RDH10: variants seen among roughly 807,000 people sequenced by gnomAD.
The protein encoded by RDH10 is retinol dehydrogenase 10, also known as retinol dehydrogenase 10 (all-trans).
In RDH10, 12 loss-of-function variants were observed where a neutral mutation model predicts 30.2. The observed-to-expected ratio is 0.40, with a 90% CI of 0.25 to 0.64. The LOEUF (loss-of-function observed/expected upper bound fraction) is 0.64. Among genes scored for constraint, RDH10 ranks in the 30% least tolerant of loss-of-function variants. The pLI is 0.43. For synonymous variants in RDH10, 189 were observed against 172.2 expected (o/e 1.10, Z -0.76); for missense variants, 268 against 445.2 (o/e 0.60, Z 3.58).
intron 3 of RDH10, among the ~76,000 whole-genome samples, chr8:73,320,638 A>C (rs1316761742): frequency 6.6e-6 from 1 of 151,654 alleles, no homozygotes; most frequent in Non-Finnish European, 1.5e-5. Context: ...TGCCCAGCTA[A>C]TTTTTGTATT....
chr8:73,309,486 T>G (rs1041003968), intron 2 of RDH10, among the ~76,000 whole-genome samples: 2 of 152,230 alleles, frequency 1.3e-5, no homozygotes, highest in African/African-American at 4.8e-5. Context: ...AGCTAGAATA[T>G]ATCAGACTTG....
chr8:73,295,189 C>G lies in RDH10; in HGVS notation c.-101C>G, dbSNP rs1814237423. ...GGCGCGGGGCGCAGCCTTCTCGTCC[C>G]GGCCTCTGTGACAAGCGCCCCGGAG... On this transcript the variant is annotated 5_prime_UTR_variant, in exon 1 of 6. Coordinates refer to ENST00000240285, the MANE Select transcript of RDH10 (RefSeq NM_172037.5). 1 of 1,195,258 alleles carries G rather than the reference C, an allele frequency of 8.4e-7. No homozygotes were observed. The highest frequency in any genetic ancestry group is 1.1e-6 in the Non-Finnish European group (1 of 897,078). The allele number at this position is 1,195,258 out of a possible 1,614,324, so 74.0% of individuals were successfully genotyped here. A position where few individuals can be genotyped will look rare whatever the true frequency, so the allele number is the denominator to read the frequency against.
chr8:73,314,908 A>G (rs543384649), intron 2 of RDH10, among the ~76,000 whole-genome samples: 1 of 152,328 alleles, frequency 6.6e-6, no homozygotes, highest in Non-Finnish European at 1.5e-5. Context: ...CAAAGAAATC[A>G]CATGTTTTAA....
At chr8:73,316,213 T>C (rs1814661018) in intron 2 of RDH10, among the ~76,000 whole-genome samples, 1 of 152,084 alleles carries the variant, frequency 6.6e-6, no homozygotes, top group African/African-American at 2.4e-5. Flanking sequence ...AGGCAGCGTT[T>C]CACAGTGTTT....
chr8:73,298,788 A>G (rs901641242), intron 2 of RDH10, among the ~76,000 whole-genome samples: 1 of 152,024 alleles, frequency 6.6e-6, no homozygotes, highest in African/African-American at 2.4e-5. Flanking sequence ...TCAGCCCCCA[A>G]AGTGCTGGCG....
chr8:73,320,807 G>A, intron 3 of RDH10, 125 bp from the exon 4 acceptor site: 1 of 873,908 alleles, frequency 1.1e-6, no homozygotes, highest in Non-Finnish European at 1.8e-6. Flanking sequence ...CCTTTTCTTT[G>A]TGTAGTCACC....
rs1814234406 is a variant in RDH10 at position 73,295,115 on chromosome 8, G to A, written c.-175G>A. Reference sequence around the variant, plus strand: ...GCCCGGGCGGGAGTGGCCCCGCGCAGGCAGGGAGCGGCGCCGCGCACTCCA... The same window carrying A: ...GCCCGGGCGGGAGTGGCCCCGCGCAAGCAGGGAGCGGCGCCGCGCACTCCA... On this transcript the variant is annotated 5_prime_UTR_variant, in exon 1 of 6. Transcript: ENST00000240285. The A allele has an allele frequency of 2.2e-6, 1 of 460,530 alleles. No individual in the cohort carries two copies. Among genetic ancestry groups the A allele is most frequent in the Non-Finnish European group, 3.5e-6 (1 of 281,928 alleles). The allele number at this position is 460,530 out of a possible 1,614,324, so 28.5% of individuals were successfully genotyped here. A position where few individuals can be genotyped will look rare whatever the true frequency, so the allele number is the denominator to read the frequency against.
chr8:73,295,397 C>T lies in RDH10; in HGVS notation c.108C>T (p.Gly36=). 1.9e-6 allele frequency: 3 copies of T among 1,551,256 alleles called. No individual in the cohort carries two copies. Among genetic ancestry groups the T allele is most frequent in the Non-Finnish European group, 2.6e-6 (3 of 1,149,562 alleles). The change falls in exon 1 of 6, where the codon GGC becomes GGT. Residue 36 remains glycine, a synonymous_variant. Coordinates refer to ENST00000240285, the MANE Select transcript of RDH10 (RefSeq NM_172037.5). The stretch of plus-strand genomic sequence containing the variant: ...GGCCCAAGGAGAAGAGCGTGGCGGG[C>T]CAGGTGTGCCTCATCACCGGCGCCG... ...LVRPKEKSVA[G]QVCLITGAGS...
At chr8:73,310,144 T>G (rs1451991761) in intron 2 of RDH10, among the ~76,000 whole-genome samples, 1 of 152,210 alleles carries the variant, frequency 6.6e-6, no homozygotes, top group East Asian at 1.9e-4. Flanking sequence ...ATAGGAAAGT[T>G]GCCATCTGCA....
intron 2 of RDH10, chr8:73,315,372 T>G: frequency 4.2e-6 from 1 of 240,036 alleles, no homozygotes; most frequent in Non-Finnish European, 8.7e-6. Context: ...TGGAAGTGTG[T>G]CCCCACGTCA....
intron 2 of RDH10, among the ~76,000 whole-genome samples, chr8:73,298,927 G>C (rs944048400): frequency 3.3e-5 from 5 of 152,190 alleles, no homozygotes; most frequent in Non-Finnish European, 7.3e-5. Flanking sequence ...CAATTCTCCT[G>C]TCTCAGTCTC....
At chr8:73,303,399 A>G (rs1563547838) in intron 2 of RDH10, among the ~76,000 whole-genome samples, 1 of 152,234 alleles carries the variant, frequency 6.6e-6, no homozygotes, top group Non-Finnish European at 1.5e-5. Flanking sequence ...AATCATTTCT[A>G]AAGTATTCAT....
rs941614324 is a variant in RDH10 at position 73,294,606 on chromosome 8, C to G, written c.-684C>G. 6.2e-5 allele frequency: 17 copies of G among 275,636 alleles called. No homozygotes were observed. The highest frequency in any genetic ancestry group is 1.2e-4 in the Non-Finnish European group (17 of 147,652). The allele number at this position is 275,636 out of a possible 1,614,324, so 17.1% of individuals were successfully genotyped here. A position where few individuals can be genotyped will look rare whatever the true frequency, so the allele number is the denominator to read the frequency against. ...CGCGGAGCGTGGAGCCCGCTCAGAG[C>G]CGGCCCGGAGCGCTCTGACTTGCAA... On this transcript the variant is annotated 5_prime_UTR_variant, in exon 1 of 6. Transcript: ENST00000240285.
intron 1 of RDH10, among the ~76,000 whole-genome samples, chr8:73,296,086 C>T (rs546654875): frequency 2.4e-4 from 37 of 152,310 alleles, no homozygotes; most frequent in African/African-American, 8.9e-4. Flanking sequence ...GCGATAAGTG[C>T]TTTAGTTACA....
intron 2 of RDH10, among the ~76,000 whole-genome samples, chr8:73,301,620 G>A (rs1015306356): frequency 7.9e-6 from 1 of 126,420 alleles, no homozygotes; most frequent in Non-Finnish European, 1.7e-5. Context: ...AGTAGCCGTG[G>A]TGGTGCTAGC....
At chr8:73,314,399 A>C (rs1224360351) in intron 2 of RDH10, among the ~76,000 whole-genome samples, 1 of 152,220 alleles carries the variant, frequency 6.6e-6, no homozygotes, top group Non-Finnish European at 1.5e-5. Context: ...AATAGAATTC[A>C]TGTTGATCAA....
chr8:73,312,953 C>A (rs1334502361), intron 2 of RDH10: 1 of 152,230 alleles, frequency 6.6e-6, no homozygotes, highest in Non-Finnish European at 1.5e-5. Flanking sequence ...ATAAGGCCTT[C>A]TCCTACGGTG....
In RDH10 at chr8:73,302,604, G is replaced by T. The variant is rs544788967; in HGVS notation, c.525+5175G>T. 2.0e-4 allele frequency among the ~76,000 whole-genome samples: 31 copies of T among 152,308 alleles called. 1 individual carries two copies. The highest frequency in any genetic ancestry group is 7.5e-4 in the African/African-American group (31 of 41,566). Reference sequence around the variant, plus strand: ...GGAGGCTGAGGCAGGAGGCTGGCTTGAGCCCAGGGGTTGTAGACTGCAATG... The same window carrying T: ...GGAGGCTGAGGCAGGAGGCTGGCTTTAGCCCAGGGGTTGTAGACTGCAATG... On this transcript the variant is annotated intron_variant, in intron 2 of 5. Transcript: ENST00000240285.
chr8:73,298,756 G>A (rs1052199652), intron 2 of RDH10, among the ~76,000 whole-genome samples: 1 of 152,100 alleles, frequency 6.6e-6, no homozygotes, highest in African/African-American at 2.4e-5. Context: ...GCGAACTCCT[G>A]AGCTCAGGCA....
Sources: gnomAD v4.1 joint callset for allele counts (sites outside exome capture counted in the v4.1 genomes callset) on GRCh38, gnomAD v4.1.1 for gene constraint, MANE v1.5 for transcripts, NCBI Gene and HGNC (gene_info 2026-07-23, HGNC 2026-07-21) for gene names.